The following ZNF423 variants were observed in gnomAD, a reference collection of about 807,000 sequenced individuals.
ZNF423 encodes zinc finger protein 423, also known as Ebf-associated zinc finger protein.
A neutral mutation model predicts 95.8 loss-of-function variants in ZNF423; 12 were observed. That is an observed-to-expected ratio of 0.13 (90% CI 0.08 to 0.20). The LOEUF (loss-of-function observed/expected upper bound fraction) is 0.20, where lower values mean the gene tolerates loss of function less well. ZNF423 is among the 10% of genes least tolerant of loss of function. The probability of loss-of-function intolerance (pLI) is 1.00; values close to 1 mark genes in which losing one functional copy is unlikely to be tolerated. For synonymous variants in ZNF423, 749 were observed against 711.9 expected, an observed-to-expected ratio of 1.05 and a Z score of -0.83; for missense variants, 1,316 against 1,737.1, an observed-to-expected ratio of 0.76 and a Z score of 4.31.
At chr16:49,687,458 G>C (rs2031608762) in intron 3 of ZNF423, among the ~76,000 whole-genome samples, 1 of 152,156 alleles carries the variant, frequency 6.6e-6, no homozygotes. Flanking sequence ...GCCCAGCCCT[G>C]ATTATGCCCG....
intron 3 of ZNF423, among the ~76,000 whole-genome samples, chr16:49,669,396 C>T (rs913401562): frequency 3.3e-5 from 5 of 152,102 alleles, no homozygotes; most frequent in Admixed American, 1.3e-4. Flanking sequence ...TCCCACATGG[C>T]GACCCTAGAG....
intron 1 of ZNF423, among the ~76,000 whole-genome samples, chr16:49,815,882 ATATATATATAT>A (rs1489680227): frequency 0.013 from 511 of 40,876 alleles, 10 homozygotes; most frequent in Middle Eastern, 0.029. Context: ...AAAAAAAAAA[ATATATATATAT>A]ATATATATAT....
chr16:49,783,747 A>G (rs1178581675), intron 2 of ZNF423, among the ~76,000 whole-genome samples: 1 of 152,066 alleles, frequency 6.6e-6, no homozygotes, highest in Non-Finnish European at 1.5e-5. Context: ...TGACGCTTGC[A>G]GATCACAAGG....
chr16:49,593,072 G>A (rs1971063524), intron 5 of ZNF423, among the ~76,000 whole-genome samples: 4 of 152,148 alleles, frequency 2.6e-5, no homozygotes, highest in Non-Finnish European at 4.4e-5. Flanking sequence ...ATGGGGGAGT[G>A]AAGAGAAGGG....
At chr16:49,745,781 C>A (rs2033509903) in intron 2 of ZNF423, among the ~76,000 whole-genome samples, 1 of 152,136 alleles carries the variant, frequency 6.6e-6, no homozygotes, top group Non-Finnish European at 1.5e-5. Flanking sequence ...AGATGCCTTG[C>A]CGCTGACCCC....
upstream of ZNF423, chr16:49,857,902 G>A (rs1223604272): frequency 6.6e-6 from 1 of 152,224 alleles, no homozygotes; most frequent in East Asian, 1.9e-4. This position sits in a 1 kb window ranked among gnomAD's most constrained non-coding sequence, Gnocchi z 6.2. Context: ...GCCCGGGAAG[G>A]GTTCTGACTT....
At chr16:49,809,230 C>A (rs192331603) in intron 1 of ZNF423, among the ~76,000 whole-genome samples, 8 of 152,372 alleles carry the variant, frequency 5.3e-5, no homozygotes, top group African/African-American at 7.2e-5. Context: ...GCGGCCCACA[C>A]ATAATGCGAG....
chr16:49,575,878 A>C (rs930060981), intron 5 of ZNF423, among the ~76,000 whole-genome samples: 1 of 152,148 alleles, frequency 6.6e-6, no homozygotes, highest in Non-Finnish European at 1.5e-5. Flanking sequence ...GAGGAGCCTG[A>C]AGGAGGCACG....
At chr16:49,719,600 C>A (rs565300110) in intron 3 of ZNF423, among the ~76,000 whole-genome samples, 113 of 152,204 alleles carry the variant, frequency 7.4e-4, no homozygotes, top group Non-Finnish European at 1.2e-3. Flanking sequence ...CCTTGCTGTG[C>A]TGGTGATGAG....
chr16:49,546,892 C>T (rs768918858), intron 5 of ZNF423, among the ~76,000 whole-genome samples: 6 of 151,800 alleles, frequency 4.0e-5, no homozygotes, highest in Non-Finnish European at 7.4e-5. Context: ...AACTGGGGGA[C>T]GTCAATGCCT....
chr16:49,683,680 G>A (rs1990628), intron 3 of ZNF423, among the ~76,000 whole-genome samples: 129,157 of 151,976 alleles, frequency 0.85, 55,049 homozygotes, highest in South Asian at 0.88. Flanking sequence ...TGCCTGGTCC[G>A]ATGCTCAACA....
chr16:49,679,615 C>A (rs959583174), intron 3 of ZNF423, among the ~76,000 whole-genome samples: 3 of 152,256 alleles, frequency 2.0e-5, no homozygotes, highest in African/African-American at 7.2e-5. Context: ...GGGAGGGACA[C>A]CAAGAGGGAG....
intron 2 of ZNF423, among the ~76,000 whole-genome samples, chr16:49,763,106 G>A (rs776229137): frequency 1.3e-5 from 2 of 152,072 alleles, no homozygotes; most frequent in Admixed American, 6.5e-5. Flanking sequence ...GGCCTCAAGA[G>A]AGCCTCCTTC....
chr16:49,729,645 T>C (rs948965242), intron 3 of ZNF423, among the ~76,000 whole-genome samples: 8 of 122,908 alleles, frequency 6.5e-5, no homozygotes, highest in Non-Finnish European at 1.3e-4. Flanking sequence ...AGGTCTATTA[T>C]TATTATTATT....
rs552657717 is a variant in ZNF423 at position 49,521,039 on chromosome 16, G to A, written c.3849+2585C>T. ...AGGAAACCACCAGCTCACATGAACCGCTCTCAGGTCAAGTGTGGCCCACAG... is the reference window on the plus strand; with the variant it reads ...AGGAAACCACCAGCTCACATGAACCACTCTCAGGTCAAGTGTGGCCCACAG... On this transcript the variant is annotated intron_variant, in intron 7 of 7. Transcript: ENST00000563137. Among the ~76,000 whole-genome samples, 9 of 152,256 alleles carry A rather than the reference G, an allele frequency of 5.9e-5. No individual in the cohort carries two copies. In the South Asian group the frequency reaches 8.3e-4, roughly 14 times the overall value.
At chr16:49,668,449 G>T (rs1484419181) in intron 3 of ZNF423, among the ~76,000 whole-genome samples, 1 of 152,172 alleles carries the variant, frequency 6.6e-6, no homozygotes, top group African/African-American at 2.4e-5. Flanking sequence ...GAGCAGCATT[G>T]TTGAGACCCC....
intron 1 of ZNF423, among the ~76,000 whole-genome samples, chr16:49,804,384 A>G (rs1436587205): frequency 6.6e-6 from 1 of 152,182 alleles, no homozygotes; most frequent in African/African-American, 2.4e-5. Context: ...TTCCTGCTCA[A>G]AAGTAAAGTT....
chr16:49,732,520 G>A (rs555221632), intron 2 of ZNF423, among the ~76,000 whole-genome samples: 27 of 152,270 alleles, frequency 1.8e-4, no homozygotes, highest in African/African-American at 6.0e-4. Context: ...ATCCATAAAG[G>A]TGTTTTTGAA....
chr16:49,821,526 G>A (rs1038287544), intron 1 of ZNF423, among the ~76,000 whole-genome samples: 6 of 152,174 alleles, frequency 3.9e-5, no homozygotes, highest in African/African-American at 9.7e-5. Context: ...GGCTCGAGGC[G>A]TGGTCTGCAA....
Sources: gnomAD v4.1 joint callset for allele counts (sites outside exome capture counted in the v4.1 genomes callset) on GRCh38, gnomAD v4.1.1 for gene constraint, Gnocchi (gnomAD v3.1) non-coding constraint, MANE v1.5 for transcripts, NCBI Gene and HGNC (gene_info 2026-07-23, HGNC 2026-07-21) for gene names.